SLC24A3: variants seen among roughly 807,000 people sequenced by gnomAD.
The protein encoded by SLC24A3 is solute carrier family 24 member 3.
SLC24A3 carries 28 observed loss-of-function variants against 75.8 expected under a neutral mutation model. That is an observed-to-expected ratio of 0.37 (90% CI 0.27 to 0.51). SLC24A3 has a LOEUF of 0.51. Ranked by LOEUF, SLC24A3 falls within the 20% of genes least tolerant of loss-of-function variation. The pLI is 0.94. For missense variants in SLC24A3, 663 were observed against 847.8 expected, an observed-to-expected ratio of 0.78 and a Z score of 2.71; for synonymous variants, 372 against 334.1, an observed-to-expected ratio of 1.11 and a Z score of -1.24.
Position 19,452,926 on chromosome 20 carries a change from A to G in SLC24A3, c.272-62562A>G, listed in dbSNP as rs377563601. ...GTACCAGGCGCGGTGGCTCACGCCT[A>G]TAATCCCAGCACTTTGGGAGGCCGA... On this transcript the variant is annotated intron_variant, in intron 2 of 16. Coordinates refer to ENST00000328041, the MANE Select transcript of SLC24A3 (RefSeq NM_020689.4). Among the ~76,000 whole-genome samples the G allele has an allele frequency of 5.9e-3, 894 of 152,226 alleles. 7 individuals are homozygous for G. The highest frequency in any genetic ancestry group is 0.021 in the African/African-American group (853 of 41,542).
chr20:19,370,500 G>T (rs180982618), intron 2 of SLC24A3, among the ~76,000 whole-genome samples: 2 of 152,358 alleles, frequency 1.3e-5, no homozygotes, highest in Admixed American at 1.3e-4. Context: ...GCATGAAAGT[G>T]GCAAGCCTCA....
intron 6 of SLC24A3, among the ~76,000 whole-genome samples, chr20:19,596,557 G>A (rs998141165): frequency 6.6e-6 from 1 of 152,180 alleles, no homozygotes; most frequent in Non-Finnish European, 1.5e-5. Flanking sequence ...TGAGTAAATG[G>A]TGAGATTTTA....
At chr20:19,239,636 T>C (rs111251139) in intron 1 of SLC24A3, among the ~76,000 whole-genome samples, 9 of 152,322 alleles carry the variant, frequency 5.9e-5, no homozygotes, top group Non-Finnish European at 8.8e-5. Context: ...CACGCATCAA[T>C]TGCATGTCTG....
intron 1 of SLC24A3, among the ~76,000 whole-genome samples, chr20:19,235,044 G>A (rs763581844): frequency 6.6e-5 from 10 of 152,170 alleles, no homozygotes; most frequent in African/African-American, 1.7e-4. Flanking sequence ...TGCCCACTCC[G>A]GCTATTTTCT....
intron 15 of SLC24A3, among the ~76,000 whole-genome samples, chr20:19,716,419 TTC>T (rs376268847): frequency 0.1 from 1,356 of 13,450 alleles, 25 homozygotes; most frequent in African/African-American, 0.23. Flanking sequence ...TTAAAACTGT[TTC>T]TTTTTTTTTC....
intron 6 of SLC24A3, among the ~76,000 whole-genome samples, chr20:19,603,537 T>C (rs2031557201): frequency 6.6e-6 from 1 of 152,198 alleles, no homozygotes; most frequent in Non-Finnish European, 1.5e-5. Flanking sequence ...ACCAAATCCC[T>C]CCTGAGTCTG....
chr20:19,501,467 A>T (rs1156848338), intron 2 of SLC24A3, among the ~76,000 whole-genome samples: 1 of 152,224 alleles, frequency 6.6e-6, no homozygotes, highest in African/African-American at 2.4e-5. Flanking sequence ...TGCTGTTACC[A>T]TGAATTTCAA....
chr20:19,580,818 C>G (rs528858090), intron 4 of SLC24A3, among the ~76,000 whole-genome samples: 1 of 152,184 alleles, frequency 6.6e-6, no homozygotes, highest in African/African-American at 2.4e-5. Context: ...GAAGGCATCT[C>G]CCCCAGACAC....
At chr20:19,334,551 A>G (rs1024129114) in intron 2 of SLC24A3, among the ~76,000 whole-genome samples, 2 of 152,210 alleles carry the variant, frequency 1.3e-5, no homozygotes, top group African/African-American at 4.8e-5. Flanking sequence ...TCAAACACCA[A>G]GATTCAGTGC....
In SLC24A3 at chr20:19,709,318, C is replaced by G. The variant is rs571697328; in HGVS notation, c.1720-8210C>G. On this transcript the variant is annotated intron_variant, in intron 15 of 16. Coordinates refer to ENST00000328041, the MANE Select transcript of SLC24A3 (RefSeq NM_020689.4). ...ATGGCTGTTGGGAGGCAGCTGGCAC[C>G]CACCAAAATAGCACCTCAGGGAGAT... Among the ~76,000 whole-genome samples, 9 of 152,132 alleles carry G rather than the reference C, an allele frequency of 5.9e-5. No individual in the cohort carries two copies. In the South Asian group the frequency reaches 1.9e-3, roughly 32 times the overall value.
chr20:19,363,858 G>C (rs1488177015), intron 2 of SLC24A3, among the ~76,000 whole-genome samples: 1 of 152,170 alleles, frequency 6.6e-6, no homozygotes, highest in East Asian at 1.9e-4. Context: ...TTTGCAACTT[G>C]AGAGGGGCCA....
rs1356225455 is a variant in SLC24A3 at position 19,346,169 on chromosome 20, T to G, written c.271+65082T>G. ...TGTATATATATATGGTGTATATATA[T>G]GGTATATATATATGGTGTATATATA... On this transcript the variant is annotated intron_variant, in intron 2 of 16. Transcript: ENST00000328041. Among the ~76,000 whole-genome samples the G allele has an allele frequency of 1.6e-4, 16 of 101,862 alleles. No individual in the cohort carries two copies. In the East Asian group the frequency reaches 3.8e-3, roughly 24 times the overall value. 66.8% of individuals were successfully genotyped at this position (101,862 alleles called of 152,430 possible). A position where few individuals can be genotyped will look rare whatever the true frequency, so the allele number is the denominator to read the frequency against.
At position 19,322,935 on chromosome 20, in the gene SLC24A3, G is replaced by A. The variant is rs1306574898; in HGVS notation, c.271+41848G>A. Reference sequence around the variant, plus strand: ...TTAAGAAGAAATATAGGCCGGGCGCGGTGGCTCACGCCTGTAATTCCAGCA... The same window carrying A: ...TTAAGAAGAAATATAGGCCGGGCGCAGTGGCTCACGCCTGTAATTCCAGCA... On this transcript the variant is annotated intron_variant, in intron 2 of 16. Transcript: ENST00000328041. Among the ~76,000 whole-genome samples, 5 of 152,230 alleles carry A rather than the reference G, an allele frequency of 3.3e-5. No individual in the cohort carries two copies. The East Asian group carries it at 5.8e-4, about 18-fold the overall frequency.
intron 2 of SLC24A3, among the ~76,000 whole-genome samples, chr20:19,424,960 A>T (rs1380713900): frequency 1.3e-5 from 2 of 152,104 alleles, no homozygotes; most frequent in Non-Finnish European, 2.9e-5. Context: ...AGTCTGATCA[A>T]GGAAGACATA....
At chr20:19,516,482 A>T (rs1252841706) in intron 3 of SLC24A3, among the ~76,000 whole-genome samples, 1 of 152,170 alleles carries the variant, frequency 6.6e-6, no homozygotes, top group Non-Finnish European at 1.5e-5. Context: ...GTTTGTGTTG[A>T]GTGCTCAGAA....
intron 6 of SLC24A3, among the ~76,000 whole-genome samples, chr20:19,587,953 A>G (rs187245279): frequency 6.6e-6 from 1 of 152,312 alleles, no homozygotes; most frequent in African/African-American, 2.4e-5. Flanking sequence ...TGATAATTTG[A>G]CCAACTCATT....
intron 2 of SLC24A3, among the ~76,000 whole-genome samples, chr20:19,285,961 TTTAAGGAA>T: frequency 6.6e-6 from 1 of 152,358 alleles, no homozygotes; most frequent in East Asian, 1.9e-4. Context: ...TCCTTGATAT[TTTAAGGAA>T]ATGAGCTTTT....
At chr20:19,551,381 A>G (rs543599911) in intron 3 of SLC24A3, among the ~76,000 whole-genome samples, 7 of 152,302 alleles carry the variant, frequency 4.6e-5, no homozygotes, top group African/African-American at 1.7e-4. Context: ...AGACCCTTGG[A>G]GAAGAAATCA....
intron 15 of SLC24A3, among the ~76,000 whole-genome samples, chr20:19,712,977 G>T (rs1172228178): frequency 6.6e-6 from 1 of 152,228 alleles, no homozygotes. Context: ...TTACAGAAGG[G>T]CACCTGAGAA....
Sources: gnomAD v4.1 joint callset for allele counts (sites outside exome capture counted in the v4.1 genomes callset) on GRCh38, gnomAD v4.1.1 for gene constraint, MANE v1.5 for transcripts, NCBI Gene and HGNC (gene_info 2026-07-23, HGNC 2026-07-21) for gene names.